Variants in NNT observed in about 807,000 individuals in gnomAD.
NNT encodes the protein NAD(P) transhydrogenase, mitochondrial.
Under a neutral mutation model 104.8 loss-of-function variants are expected in NNT, and 50 were observed. That is an observed-to-expected ratio of 0.48 (90% CI 0.38 to 0.60). NNT has a LOEUF of 0.60. NNT is among the 20% of genes least tolerant of loss of function. The probability of loss-of-function intolerance (pLI) is 0.00; values close to 1 mark genes in which losing one functional copy is unlikely to be tolerated. For missense variants in NNT, 1,131 were observed against 1,330.7 expected, an observed-to-expected ratio of 0.85 and a Z score of 2.33; for synonymous variants, 461 against 490.4, an observed-to-expected ratio of 0.94 and a Z score of 0.79.
At chr5:43,644,347 A>G (rs1751390285) in intron 8 of NNT, 22 bp downstream of exon 8, 1 of 1,609,232 alleles carries the variant, frequency 6.2e-7, no homozygotes, top group Non-Finnish European at 8.5e-7. Context: ...TGCGTTTTCT[A>G]TCTGTGATCA....
chr5:43,621,430 G>C (rs1750086569), intron 5 of NNT, among the ~76,000 whole-genome samples: 2 of 152,188 alleles, frequency 1.3e-5, no homozygotes, highest in Admixed American at 1.3e-4. Context: ...CATTGTTCTA[G>C]GAGCTGGGGA....
chr5:43,640,671 GT>G (rs1273249538), intron 7 of NNT, among the ~76,000 whole-genome samples: 3 of 151,086 alleles, frequency 2.0e-5, no homozygotes, highest in Non-Finnish European at 4.4e-5. Context: ...TTTTTTATTT[GT>G]TTTTACTGTT....
intron 16 of NNT, 88 bp from the exon 17 acceptor site, chr5:43,659,083 C>T: frequency 7.7e-7 from 1 of 1,305,940 alleles, no homozygotes; most frequent in South Asian, 1.6e-5. Flanking sequence ...AATGGGAAAA[C>T]TAGAATAATT....
At position 43,645,521 on chromosome 5, in the gene NNT, C is replaced by T; in HGVS notation, c.1444+11C>T. 1 of 1,474,322 alleles carries T rather than the reference C, an allele frequency of 6.8e-7. No individual in the cohort carries two copies. Among genetic ancestry groups the T allele is most frequent in the Non-Finnish European group, 9.0e-7 (1 of 1,110,412 alleles). 91.3% of individuals were successfully genotyped at this position (1,474,322 alleles called of 1,614,324 possible). A position where few individuals can be genotyped will look rare whatever the true frequency, so the allele number is the denominator to read the frequency against. On this transcript the variant is annotated intron_variant, in intron 10 of 21. Coordinates refer to ENST00000344920, the MANE Select transcript of NNT (RefSeq NM_182977.3). ...CTGCATATACAGCAGGTGAGGATAC[C>T]ATTTACCAGGGTTTAGTCTTGATTG...
chr5:43,678,557 G>T (rs1741542894), intron 19 of NNT, among the ~76,000 whole-genome samples: 1 of 152,172 alleles, frequency 6.6e-6, no homozygotes, highest in Non-Finnish European at 1.5e-5. Context: ...GAGGAAAGAG[G>T]TCAAGCGAAG....
At chr5:43,604,847 T>C (rs1234826363) in intron 1 of NNT, among the ~76,000 whole-genome samples, 1 of 152,104 alleles carries the variant, frequency 6.6e-6, no homozygotes, top group Non-Finnish European at 1.5e-5. Flanking sequence ...AATTAATTTT[T>C]TTTTTTTAGC....
At chr5:43,627,320 T>A (rs922521394) in intron 6 of NNT, among the ~76,000 whole-genome samples, 1 of 152,180 alleles carries the variant, frequency 6.6e-6, no homozygotes. Flanking sequence ...ATTTATTGGC[T>A]CAGATCACGG....
At chr5:43,651,353 G>T (rs1035749386) in intron 12 of NNT, among the ~76,000 whole-genome samples, 1 of 152,090 alleles carries the variant, frequency 6.6e-6, no homozygotes, top group Admixed American at 6.5e-5. Flanking sequence ...AAGGCGGGTA[G>T]ATCACCTGAG....
intron 19 of NNT, among the ~76,000 whole-genome samples, chr5:43,692,568 T>G (rs959704004): frequency 6.6e-6 from 1 of 152,108 alleles, no homozygotes; most frequent in Non-Finnish European, 1.5e-5. Flanking sequence ...AGGTGATCCA[T>G]CCGCCTTGGC....
At position 43,644,430 on chromosome 5, in the gene NNT, A is replaced by T. The variant is rs1002349060; in HGVS notation, c.1098+105A>T. ...TAGAGACATTAAGGCTTGAAATTTT[A>T]AAATTAAAAATAGGCATATTTAAAG... On this transcript the variant is annotated intron_variant, in intron 8 of 21. Coordinates refer to ENST00000344920, the MANE Select transcript of NNT (RefSeq NM_182977.3). 46 of 1,413,810 alleles carry T rather than the reference A, an allele frequency of 3.3e-5. No individual in the cohort carries two copies. The Admixed American group carries it at 1.1e-3, about 33-fold the overall frequency. The allele number at this position is 1,413,810 out of a possible 1,614,324, so 87.6% of individuals were successfully genotyped here.
chr5:43,624,199 T>G lies in NNT; in HGVS notation c.776+79T>G, dbSNP rs189786205. 5.6e-4 allele frequency: 676 copies of G among 1,214,978 alleles called. 1 individual carries two copies. Among genetic ancestry groups the G allele is most frequent in the Non-Finnish European group, 7.5e-4 (615 of 816,890 alleles). 75.3% of individuals were successfully genotyped at this position (1,214,978 alleles called of 1,614,324 possible). The stretch of plus-strand genomic sequence containing the variant: ...CATATTATGATTGCCTTAAAACTTG[T>G]AAATTGAAGTAGCACATTGCAACTG... On this transcript the variant is annotated intron_variant, in intron 6 of 21. Coordinates refer to ENST00000344920, the MANE Select transcript of NNT (RefSeq NM_182977.3).
intron 19 of NNT, among the ~76,000 whole-genome samples, chr5:43,681,278 AAAG>A: frequency 6.6e-6 from 1 of 151,866 alleles, no homozygotes; most frequent in Non-Finnish European, 1.5e-5. Flanking sequence ...AAAAAAAAAA[AAAG>A]AAAGGGGTAG....
chr5:43,664,316 A>G (rs1270600294), intron 17 of NNT, among the ~76,000 whole-genome samples: 1 of 152,196 alleles, frequency 6.6e-6, no homozygotes, highest in Non-Finnish European at 1.5e-5. Flanking sequence ...ATTGAACAGC[A>G]TTTTCAGATC....
At chr5:43,605,522 CAAAAAAAA>C (rs70997416) in intron 1 of NNT, among the ~76,000 whole-genome samples, 39 of 37,758 alleles carry the variant, frequency 1.0e-3, no homozygotes, top group African/African-American at 3.0e-3. Context: ...GACTCCGTCT[CAAAAAAAA>C]AAAAAAAAAA....
intron 19 of NNT, among the ~76,000 whole-genome samples, chr5:43,679,782 T>A (rs1313748989): frequency 1.3e-5 from 2 of 152,088 alleles, no homozygotes; most frequent in Non-Finnish European, 2.9e-5. Context: ...GTTCTACATT[T>A]TTTATTGAAG....
chr5:43,666,601 GGAGGGAGAGAAGGAGAGGGA>G (rs1176631976), intron 17 of NNT, among the ~76,000 whole-genome samples: 1 of 151,898 alleles, frequency 6.6e-6, no homozygotes, highest in Middle Eastern at 3.2e-3. Context: ...AGGGGGAGGG[GGAGGGAGAGAAGGAGAGGGA>G]GAGGGAGATC....
chr5:43,659,283 A>G lies in NNT; in HGVS notation c.2567A>G (p.Asn856Ser), dbSNP rs1372031355. The G allele has an allele frequency of 3.0e-5, 49 of 1,613,908 alleles. No homozygotes were observed. Among genetic ancestry groups the G allele is most frequent in the Non-Finnish European group, 4.2e-5 (49 of 1,180,016 alleles). ...LCAEGFLLNN[N>S]LLTIVGALIG... ...GCAGAGGGCTTCCTGCTCAACAACA[A>G]TCTGCTGACCATCGTGGGTGCACTC... Residue 856 changes from asparagine to serine, a missense_variant, in exon 17 of 22, where the codon AAT (asparagine) becomes AGT (serine). Asn to Ser is a conservative substitution (Grantham distance 46). Coordinates refer to ENST00000344920, the MANE Select transcript of NNT (RefSeq NM_182977.3).
chr5:43,627,643 A>G (rs1329085179), intron 6 of NNT, among the ~76,000 whole-genome samples: 1 of 152,212 alleles, frequency 6.6e-6, no homozygotes, highest in Non-Finnish European at 1.5e-5. Context: ...ATTTTTATAT[A>G]ATTTAAATGT....
chr5:43,677,438 GAA>G (rs1202414223), intron 18 of NNT, among the ~76,000 whole-genome samples: 1 of 151,870 alleles, frequency 6.6e-6, no homozygotes, highest in Non-Finnish European at 1.5e-5. Flanking sequence ...CAGAGACAGA[GAA>G]AGAGACAAGA....
Sources: allele counts gnomAD v4.1 joint callset (sites outside exome capture counted in the v4.1 genomes callset), GRCh38; gene constraint gnomAD v4.1.1; transcripts MANE v1.5; gene names NCBI Gene and HGNC (gene_info 2026-07-23, HGNC 2026-07-21).